Variants in SUMF1 observed in about 807,000 individuals in gnomAD.
SUMF1 encodes formylglycine-generating enzyme.
SUMF1 carries 48 observed loss-of-function variants against 47.6 expected under a neutral mutation model. The ratio of observed to expected loss-of-function variants is 1.01; its 90% confidence interval spans 0.80 to 1.28. SUMF1 has a LOEUF of 1.28. Among genes scored for constraint, SUMF1 ranks in the 50% most tolerant of loss-of-function variants. SUMF1 has a pLI of 0.00. For synonymous variants in SUMF1, 230 were observed against 192.1 expected, an observed-to-expected ratio of 1.20 and a Z score of -1.63; for missense variants, 571 against 485.4, an observed-to-expected ratio of 1.18 and a Z score of -1.66.
chr3:4,418,201 A>C, intron 4 of SUMF1, 69 bp from the exon 5 acceptor site: 1 of 1,606,552 alleles, frequency 6.2e-7, no homozygotes, highest in South Asian at 1.1e-5. Flanking sequence ...TGGCTTCAGC[A>C]AAGCGCCCAT....
At chr3:4,189,816 GC>G (rs2125141449) in intron 8 of SUMF1, among the ~76,000 whole-genome samples, 1 of 152,128 alleles carries the variant, frequency 6.6e-6, no homozygotes, top group Non-Finnish European at 1.5e-5. Context: ...CACATTTCCA[GC>G]CCCACACTCC....
chr3:4,443,441 C>T (rs1702673561), intron 3 of SUMF1, among the ~76,000 whole-genome samples: 1 of 151,488 alleles, frequency 6.6e-6, no homozygotes, highest in Non-Finnish European at 1.5e-5. Context: ...TTAAAAGACA[C>T]AGAAGACAAA....
rs973216826 is a variant in SUMF1, at chr3:4,231,620, G to A, written c.1014+144710C>T. Among the ~76,000 whole-genome samples, 4 of 152,060 alleles carry A rather than the reference G, an allele frequency of 2.6e-5. No individual in the cohort carries two copies. In the South Asian group the frequency reaches 8.3e-4, roughly 32 times the overall value. ...CTTTCCTGCTTTGCATGCAAAGAAGGGGACATCCTCTTCAAAAATCAGGGG... is the reference window on the plus strand; with the variant it reads ...CTTTCCTGCTTTGCATGCAAAGAAGAGGACATCCTCTTCAAAAATCAGGGG... On this transcript the variant is annotated intron_variant and NMD_transcript_variant, in intron 8 of 12. Transcript: ENST00000448413.
intron 8 of SUMF1, among the ~76,000 whole-genome samples, chr3:4,264,166 G>C (rs1381889117): frequency 6.6e-6 from 1 of 152,122 alleles, no homozygotes; most frequent in Admixed American, 6.5e-5. Context: ...TCTGAAATTG[G>C]GAGTAGAGTT....
rs373210928 is a variant in SUMF1, at chr3:4,170,746, A to T, written c.1015-102001T>A. On this transcript the variant is annotated intron_variant and NMD_transcript_variant, in intron 8 of 12. Coordinates refer to the SUMF1 transcript ENST00000448413. Reference sequence around the variant, plus strand: ...TCAGTGAAAAAAGAATTGTCTTTTCAACAAATGATGATGGAACAGTTGGAT... The same window carrying T: ...TCAGTGAAAAAAGAATTGTCTTTTCTACAAATGATGATGGAACAGTTGGAT... 2.6e-4 allele frequency among the ~76,000 whole-genome samples: 40 copies of T among 152,326 alleles called. 1 individual carries two copies. Among genetic ancestry groups the T allele is most frequent in the African/African-American group, 8.7e-4 (36 of 41,582 alleles).
intron 8 of SUMF1, among the ~76,000 whole-genome samples, chr3:4,141,214 G>C (rs544662928): frequency 3.9e-4 from 60 of 152,290 alleles, no homozygotes; most frequent in African/African-American, 1.4e-3. Flanking sequence ...AGCAGTGAGA[G>C]TACTGTGTTG....
At chr3:4,326,789 G>A (rs1698955291) in intron 8 of SUMF1, among the ~76,000 whole-genome samples, 1 of 152,024 alleles carries the variant, frequency 6.6e-6, no homozygotes, top group Admixed American at 6.6e-5. Flanking sequence ...CCAAACTGCT[G>A]GGATTACAGA....
chr3:4,186,561 A>G (rs1474796493), intron 8 of SUMF1, among the ~76,000 whole-genome samples: 1 of 152,160 alleles, frequency 6.6e-6, no homozygotes, highest in Non-Finnish European at 1.5e-5. Flanking sequence ...GGAAGCTGAA[A>G]TAGAATGCAT....
At chr3:4,464,402 CTGTG>C (rs528920605) in intron 1 of SUMF1, among the ~76,000 whole-genome samples, 43 of 148,524 alleles carry the variant, frequency 2.9e-4, no homozygotes, top group Non-Finnish European at 4.9e-4. Context: ...ATGTGTGTGT[CTGTG>C]TGTGTTTGTG....
intron 8 of SUMF1, among the ~76,000 whole-genome samples, chr3:4,093,290 A>G (rs577746049): frequency 6.6e-6 from 1 of 152,290 alleles, no homozygotes; most frequent in East Asian, 1.9e-4. Flanking sequence ...ACATTTGTAG[A>G]TAACTTGTTA....
intron 8 of SUMF1, among the ~76,000 whole-genome samples, chr3:4,071,862 G>A (rs776569625): frequency 3.9e-5 from 6 of 152,180 alleles, no homozygotes; most frequent in Admixed American, 6.5e-5. Context: ...GCAGCTGTGG[G>A]CACAGCTTCT....
At chr3:4,151,415 A>ATATATATGTGTATATATG (rs1694323888) in intron 8 of SUMF1, among the ~76,000 whole-genome samples, 1 of 102,996 alleles carries the variant, frequency 9.7e-6, no homozygotes, top group Non-Finnish European at 2.2e-5. Flanking sequence ...GTATATATGT[A>ATATATATGTGTATATATG]TATATGTGTA....
chr3:4,434,637 T>A (rs1702339477), intron 3 of SUMF1, among the ~76,000 whole-genome samples: 1 of 152,196 alleles, frequency 6.6e-6, no homozygotes, highest in Non-Finnish European at 1.5e-5. Flanking sequence ...TTGTAACAGC[T>A]CTATGGGGTA....
intron 3 of SUMF1, among the ~76,000 whole-genome samples, chr3:4,437,388 A>G (rs569606505): frequency 6.6e-6 from 1 of 152,340 alleles, no homozygotes; most frequent in South Asian, 2.1e-4. Flanking sequence ...TATAAAGTAT[A>G]TGACTTCTAA....
At chr3:4,279,085 T>C (rs1227472891) in intron 8 of SUMF1, among the ~76,000 whole-genome samples, 1 of 152,140 alleles carries the variant, frequency 6.6e-6, no homozygotes, top group Non-Finnish European at 1.5e-5. Context: ...AAAACAAAAC[T>C]TGACACTTTT....
At position 4,201,501 on chromosome 3, in the gene SUMF1, C is replaced by T. The variant is rs545812553; in HGVS notation, c.1015-132756G>A. Reference sequence around the variant, plus strand: ...CATTCTTTTCTATGGCTGAATAGTACTCCATTGTATGTATGAATCACATTT... The same window carrying T: ...CATTCTTTTCTATGGCTGAATAGTATTCCATTGTATGTATGAATCACATTT... On this transcript the variant is annotated intron_variant and NMD_transcript_variant, in intron 8 of 12. Transcript: ENST00000448413. Among the ~76,000 whole-genome samples, 7 of 152,160 alleles carry T rather than the reference C, an allele frequency of 4.6e-5. No individual in the cohort carries two copies. In the South Asian group the frequency reaches 1.2e-3, roughly 27 times the overall value.
At chr3:4,207,063 G>C (rs1695669420) in intron 8 of SUMF1, among the ~76,000 whole-genome samples, 1 of 151,824 alleles carries the variant, frequency 6.6e-6, no homozygotes, top group Non-Finnish European at 1.5e-5. Context: ...TATAGTTCTT[G>C]TACTTTAAAA....
intron 8 of SUMF1, among the ~76,000 whole-genome samples, chr3:4,182,681 T>C (rs1695121358): frequency 6.6e-6 from 1 of 152,074 alleles, no homozygotes; most frequent in Non-Finnish European, 1.5e-5. Context: ...TAATGCAAAT[T>C]TCAGGCATGA....
intron 8 of SUMF1, among the ~76,000 whole-genome samples, chr3:4,104,512 G>A (rs1381915934): frequency 6.6e-6 from 1 of 152,046 alleles, no homozygotes. Context: ...TAGCTTCCCA[G>A]AGAGGTTATC....
Sources: gnomAD v4.1 joint callset for allele counts (sites outside exome capture counted in the v4.1 genomes callset) on GRCh38, gnomAD v4.1.1 for gene constraint, MANE v1.5 for transcripts, NCBI Gene and HGNC (gene_info 2026-07-23, HGNC 2026-07-21) for gene names.